TTLL5: variants seen among roughly 807,000 people sequenced by gnomAD.
The protein encoded by TTLL5 is tubulin polyglutamylase TTLL5.
Under a neutral mutation model 168.4 loss-of-function variants are expected in TTLL5, and 132 were observed. That is an observed-to-expected ratio of 0.78 (90% CI 0.68 to 0.91). TTLL5 has a LOEUF of 0.91. Among genes scored for constraint, TTLL5 ranks in the 40% least tolerant of loss-of-function variants. The pLI is 0.00. For synonymous variants in TTLL5, 546 were observed against 558.6 expected (o/e 0.98, Z 0.32); for missense variants, 1,545 against 1,581.5 (o/e 0.98, Z 0.39).
chr14:75,720,421 G>A (rs1887767419), intron 11 of TTLL5, among the ~76,000 whole-genome samples, 175 bp from the exon 12 acceptor site: 1 of 152,170 alleles, frequency 6.6e-6, no homozygotes, highest in Non-Finnish European at 1.5e-5. Flanking sequence ...ATTCTTGACT[G>A]TATTGATCTG....
At chr14:75,761,235 T>C (rs555185331) in intron 18 of TTLL5, among the ~76,000 whole-genome samples, 5 of 152,120 alleles carry the variant, frequency 3.3e-5, no homozygotes, top group African/African-American at 1.2e-4. Context: ...TACTAAATGG[T>C]GGTAAGGATG....
chr14:75,776,897 A>C (rs765603119), intron 23 of TTLL5, 47 bp downstream of exon 23: 3 of 1,443,440 alleles, frequency 2.1e-6, no homozygotes, highest in Non-Finnish European at 2.9e-6. Flanking sequence ...TCCATCTTCC[A>C]TAATGCTCAT....
chr14:75,697,391 A>G (rs983560285), intron 6 of TTLL5, among the ~76,000 whole-genome samples: 2 of 152,202 alleles, frequency 1.3e-5, no homozygotes, highest in African/African-American at 4.8e-5. Flanking sequence ...TAGAGGTAGA[A>G]TTGCTCACAG....
At chr14:75,735,130 G>A (rs2140238883) in intron 14 of TTLL5, 65 bp from the exon 15 acceptor site, 1 of 1,453,358 alleles carries the variant, frequency 6.9e-7, no homozygotes, top group Middle Eastern at 1.7e-4. Flanking sequence ...TAAAGAAAAG[G>A]TGCAGCCAGA....
In TTLL5 at chr14:75,720,837, GT is replaced by G; in HGVS notation, c.1042+135del. The G allele has an allele frequency of 4.0e-6, 3 of 745,640 alleles. No individual in the cohort carries two copies. In the South Asian group the frequency reaches 4.9e-5, roughly 12 times the overall value. 46.2% of individuals were successfully genotyped at this position (745,640 alleles called of 1,614,324 possible). ...GATGGACTCTTCTTTCTAAGCTCAT[GT>G]AGCATATGAAGAGCCTACTAAGAGG... On this transcript the variant is annotated intron_variant, in intron 12 of 31. Transcript: ENST00000298832.
rs1019801875 is a variant in TTLL5 at position 75,899,942 on chromosome 14, T to C, written c.3741-2200T>C. On this transcript the variant is annotated intron_variant, in intron 30 of 31. Transcript: ENST00000298832. The stretch of plus-strand genomic sequence containing the variant: ...AAGATTTTGCCGGCTTCTTCCCTTT[T>C]TTTTTTTTTTTTTTTAAACCACTAA... Among the ~76,000 whole-genome samples, 9 of 3,220 alleles carry C rather than the reference T, an allele frequency of 2.8e-3. No individual in the cohort carries two copies. In the South Asian group the frequency reaches 0.048, roughly 17 times the overall value. 2.1% of individuals were successfully genotyped at this position (3,220 alleles called of 152,430 possible).
At chr14:75,944,185 A>G (rs1184796788) in intron 31 of TTLL5, among the ~76,000 whole-genome samples, 5 of 152,198 alleles carry the variant, frequency 3.3e-5, no homozygotes, top group Admixed American at 6.5e-5. Flanking sequence ...GCAGACCTGT[A>G]CAGATACAGA....
chr14:75,870,692 C>G (rs2030955730), intron 29 of TTLL5, among the ~76,000 whole-genome samples: 1 of 151,946 alleles, frequency 6.6e-6, no homozygotes, highest in Non-Finnish European at 1.5e-5. Context: ...AATTTTATTT[C>G]TATGATAGGT....
At chr14:75,852,019 CAT>C (rs1340078307) in intron 28 of TTLL5, among the ~76,000 whole-genome samples, 2 of 152,190 alleles carry the variant, frequency 1.3e-5, no homozygotes, top group Admixed American at 6.5e-5. Context: ...TAGATTATCA[CAT>C]GTAATTTTTA....
intron 3 of TTLL5, among the ~76,000 whole-genome samples, chr14:75,677,149 T>G (rs1454250236): frequency 1.3e-5 from 2 of 152,130 alleles, no homozygotes; most frequent in Non-Finnish European, 2.9e-5. Flanking sequence ...ATTATTTTTT[T>G]ACTATATAAA....
At chr14:75,757,928 C>G in intron 18 of TTLL5, 1 of 1,468,784 alleles carries the variant, frequency 6.8e-7, no homozygotes, top group Non-Finnish European at 9.1e-7. Flanking sequence ...TGACCATGCA[C>G]AGACTAAGCA....
At chr14:75,665,851 C>G (rs1265077822) in intron 2 of TTLL5, among the ~76,000 whole-genome samples, 1 of 152,022 alleles carries the variant, frequency 6.6e-6, no homozygotes, top group Non-Finnish European at 1.5e-5. Flanking sequence ...GACTCCGTCT[C>G]AAACAAAACA....
intron 30 of TTLL5, among the ~76,000 whole-genome samples, chr14:75,899,131 A>G (rs758606215): frequency 6.6e-6 from 1 of 152,246 alleles, no homozygotes; most frequent in Admixed American, 6.5e-5. Flanking sequence ...ATATAACACC[A>G]GTCACTGCTT....
At chr14:75,749,650 T>A (rs1223694498) in intron 17 of TTLL5, among the ~76,000 whole-genome samples, 1 of 152,104 alleles carries the variant, frequency 6.6e-6, no homozygotes, top group Non-Finnish European at 1.5e-5. Context: ...TTTCTGTTTA[T>A]TTTTCCTAAA....
chr14:75,892,142 A>G lies in TTLL5; in HGVS notation c.3740+9240A>G, dbSNP rs191090007. 7.9e-5 allele frequency among the ~76,000 whole-genome samples: 12 copies of G among 152,336 alleles called. No individual in the cohort carries two copies. In the East Asian group the frequency reaches 2.3e-3, roughly 29 times the overall value. On this transcript the variant is annotated intron_variant, in intron 30 of 31. Transcript: ENST00000298832. ...GAAGACAAAGGCTCAGTTTCAAACA[A>G]AAGAAAAAATTAGATTTGGAGTTAC...
At chr14:75,803,248 CTAAAGG>C in intron 27 of TTLL5, 1 of 152,200 alleles carries the variant, frequency 6.6e-6, no homozygotes, top group South Asian at 2.1e-4. Flanking sequence ...AGTGAACTAG[CTAAAGG>C]TAAAGAAGCA....
chr14:75,764,731 G>T lies in TTLL5; in HGVS notation c.1667G>T (p.Arg556Leu). Residue 556 changes from arginine to leucine, a missense_variant, in exon 19 of 32, where the codon CGA becomes CTA. By Grantham distance (102) the Arg-to-Leu change is moderately radical. Coordinates refer to ENST00000298832, the MANE Select transcript of TTLL5 (RefSeq NM_015072.5). The stretch of plus-strand genomic sequence containing the variant: ...TCTCTGGAGGTGCGAAAACGTAGAC[G>T]ACGGAGTAGCAGATTGAGGGCAATG... Reference protein sequence around the residue: ...LLSLEVRKRRRRSSRLRAMRP... With the variant: ...LLSLEVRKRRLRSSRLRAMRP... The T allele has an allele frequency of 6.2e-7, 1 of 1,614,126 alleles. No individual in the cohort carries two copies. Among genetic ancestry groups the T allele is most frequent in the South Asian group, 1.1e-5 (1 of 91,086 alleles).
intron 15 of TTLL5, among the ~76,000 whole-genome samples, 155 bp from the exon 16 acceptor site, chr14:75,744,940 G>C (rs1594959297): frequency 1.3e-5 from 2 of 152,030 alleles, no homozygotes; most frequent in African/African-American, 4.8e-5. Context: ...TGTTTTCCAG[G>C]GTTCCAGGCT....
intron 12 of TTLL5, chr14:75,727,767 T>G (rs1888271604): frequency 8.6e-6 from 4 of 464,530 alleles, no homozygotes; most frequent in Non-Finnish European, 1.7e-5. Flanking sequence ...CTCAAAAGAG[T>G]ATATACCATA....
Sources: allele counts gnomAD v4.1 joint callset (sites outside exome capture counted in the v4.1 genomes callset), GRCh38; gene constraint gnomAD v4.1.1; transcripts MANE v1.5; gene names NCBI Gene and HGNC (gene_info 2026-07-23, HGNC 2026-07-21).